NDUFAF6: variants seen among roughly 807,000 people sequenced by gnomAD.
The protein encoded by NDUFAF6 is NADH:ubiquinone oxidoreductase complex assembly factor 6.
A neutral mutation model predicts 40.8 loss-of-function variants in NDUFAF6; 45 were observed. The ratio of observed to expected loss-of-function variants is 1.10; its 90% CI spans 0.87 to 1.42. The LOEUF is 1.42. Among genes scored for constraint, NDUFAF6 ranks in the 40% most tolerant of loss-of-function variants. NDUFAF6 has a pLI of 0.00. For synonymous variants in NDUFAF6, 185 were observed against 155.9 expected, an observed-to-expected ratio of 1.19 and a Z score of -1.39; for missense variants, 435 against 418.5, an observed-to-expected ratio of 1.04 and a Z score of -0.34.
At chr8:94,909,373 A>AAAAC (rs1818602631) in intron 1 of NDUFAF6, among the ~76,000 whole-genome samples, 4 of 78,720 alleles carry the variant, frequency 5.1e-5, no homozygotes, top group African/African-American at 1.2e-4. Flanking sequence ...AAAAAAAAAA[A>AAAAC]AAAAAAAAAC....
At chr8:95,016,597 C>A (rs1310695537) in intron 2 of NDUFAF6, among the ~76,000 whole-genome samples, 1 of 152,172 alleles carries the variant, frequency 6.6e-6, no homozygotes, top group African/African-American at 2.4e-5. Flanking sequence ...CAAAAATTAG[C>A]TGGGCCTGGT....
At chr8:94,930,301 C>A in intron 1 of NDUFAF6, 2 of 775,336 alleles carry the variant, frequency 2.6e-6, no homozygotes, top group Admixed American at 3.2e-5. Flanking sequence ...AAAGGCAAGG[C>A]ATTATGTGAT....
At chr8:95,091,962 T>C (rs1809266455) in intron 2 of NDUFAF6, among the ~76,000 whole-genome samples, 1 of 151,418 alleles carries the variant, frequency 6.6e-6, no homozygotes, top group African/African-American at 2.4e-5. Flanking sequence ...CTCCATTATA[T>C]AATATTATGC....
intron 1 of NDUFAF6, among the ~76,000 whole-genome samples, chr8:94,909,664 G>A (rs1056641609): frequency 3.3e-5 from 5 of 151,652 alleles, no homozygotes; most frequent in South Asian, 2.1e-4. Flanking sequence ...CCAGCCGGGC[G>A]TGGTAGCTCC....
At chr8:95,026,717 A>T (rs919264684) in intron 1 of NDUFAF6, among the ~76,000 whole-genome samples, 5 of 152,208 alleles carry the variant, frequency 3.3e-5, no homozygotes, top group Non-Finnish European at 7.3e-5. Flanking sequence ...ACTTTTAAAA[A>T]TTTCTTATCT....
chr8:95,115,524 T>A (rs1810114564), intron 4 of NDUFAF6: 1 of 152,066 alleles, frequency 6.6e-6, no homozygotes, highest in African/African-American at 2.4e-5. Flanking sequence ...CCCTTCTTTT[T>A]TTTTTTTTCA....
At chr8:95,005,538 T>TATAC (rs1169573164) in intron 2 of NDUFAF6, among the ~76,000 whole-genome samples, 1 of 134,096 alleles carries the variant, frequency 7.5e-6, no homozygotes, top group Non-Finnish European at 1.6e-5. Flanking sequence ...TATATATATA[T>TATAC]ATATATATAT....
At chr8:94,995,890 G>A (rs530830896) in intron 2 of NDUFAF6, among the ~76,000 whole-genome samples, 2 of 152,204 alleles carry the variant, frequency 1.3e-5, no homozygotes, top group South Asian at 2.1e-4. Flanking sequence ...CAAATCTCCC[G>A]TCTCAGCCTC....
chr8:95,005,371 C>T (rs1826917353), intron 2 of NDUFAF6, among the ~76,000 whole-genome samples: 1 of 151,762 alleles, frequency 6.6e-6, no homozygotes, highest in Admixed American at 6.6e-5. Context: ...GTGTCTCTTA[C>T]ACCCCTTCCT....
At chr8:94,946,710 A>AAAAAAAAAAAG (rs1488433092) in intron 2 of NDUFAF6, among the ~76,000 whole-genome samples, 1 of 147,938 alleles carries the variant, frequency 6.8e-6, no homozygotes, top group Non-Finnish European at 1.5e-5. Context: ...AAAAAAAAAA[A>AAAAAAAAAAAG]AAAAAAAAAA....
upstream of NDUFAF6, among the ~76,000 whole-genome samples, chr8:94,953,578 A>G (rs1235742091): frequency 2.0e-5 from 3 of 152,214 alleles, no homozygotes; most frequent in African/African-American, 7.2e-5. Context: ...CCCGCTGCCA[A>G]AGCGACTTCT....
At chr8:94,919,936 A>G (rs1474241688) in intron 1 of NDUFAF6, among the ~76,000 whole-genome samples, 1 of 152,204 alleles carries the variant, frequency 6.6e-6, no homozygotes, top group East Asian at 1.9e-4. Context: ...TTCAAAATTA[A>G]AGTGGAGCAG....
chr8:94,995,094 G>C (rs1229942590), intron 2 of NDUFAF6, among the ~76,000 whole-genome samples: 1 of 152,196 alleles, frequency 6.6e-6, no homozygotes, highest in Non-Finnish European at 1.5e-5. Context: ...ATTGACAGGT[G>C]AATGGATAAA....
intron 2 of NDUFAF6, chr8:94,949,151 T>TA (rs1483773020): frequency 6.7e-6 from 1 of 148,502 alleles, no homozygotes; most frequent in Non-Finnish European, 1.5e-5. Flanking sequence ...CCCCGGCACT[T>TA]ACGTGGGCCC....
downstream of NDUFAF6, among the ~76,000 whole-genome samples, chr8:95,106,453 C>T (rs967067754): frequency 2.0e-5 from 3 of 152,078 alleles, no homozygotes; most frequent in Admixed American, 2.0e-4. Context: ...AACTGGACCC[C>T]TTCCTTAAAC....
chr8:95,034,420 A>G (rs901905859), intron 2 of NDUFAF6, among the ~76,000 whole-genome samples: 3 of 152,172 alleles, frequency 2.0e-5, no homozygotes, highest in Non-Finnish European at 4.4e-5. Context: ...AAGGTCTTTT[A>G]TGGCATTTTT....
chr8:95,024,981 G>C, upstream of NDUFAF6: 1 of 1,300,692 alleles, frequency 7.7e-7, no homozygotes, highest in Non-Finnish European at 9.7e-7. Flanking sequence ...CGACGGCGGG[G>C]GGTCGAAGGG....
chr8:94,896,733 C>A lies in NDUFAF6; in HGVS notation c.-936+806C>A, dbSNP rs568098037. 1.4e-4 allele frequency: 21 copies of A among 152,284 alleles called. No homozygotes were observed. In the East Asian group the frequency reaches 3.9e-3, roughly 28 times the overall value. The allele number at this position is 152,284 out of a possible 1,614,324, so 9.4% of individuals were successfully genotyped here. ...GGCGGCGCCCGGCGACCCCCGCTCC[C>A]GCCCGGCCTTTTGTGCTGCGCCGCT... On this transcript the variant is annotated intron_variant, in intron 1 of 14. Coordinates refer to the NDUFAF6 transcript ENST00000396113.
intron 2 of NDUFAF6, among the ~76,000 whole-genome samples, chr8:94,951,644 A>G (rs1822629546): frequency 6.6e-6 from 1 of 152,232 alleles, no homozygotes; most frequent in Non-Finnish European, 1.5e-5. Context: ...GTCTGTCCCT[A>G]GGAGGGAGGA....
Sources: gnomAD v4.1 joint callset for allele counts (sites outside exome capture counted in the v4.1 genomes callset) on GRCh38, gnomAD v4.1.1 for gene constraint, MANE v1.5 for transcripts, NCBI Gene and HGNC (gene_info 2026-07-23, HGNC 2026-07-21) for gene names.